Variants in FOXN3 observed in about 807,000 individuals in gnomAD.
FOXN3 encodes the protein forkhead box N3, also known as forkhead box protein N3.
FOXN3 carries 7 observed loss-of-function variants against 38.4 expected under a neutral mutation model. The ratio of observed to expected loss-of-function variants is 0.18; its 90% confidence interval spans 0.10 to 0.34. The LOEUF is 0.34. FOXN3 is among the 10% of genes least tolerant of loss of function. FOXN3 has a pLI of 1.00. For missense variants in FOXN3, 456 were observed against 613.4 expected (o/e 0.74, Z 2.71); for synonymous variants, 230 against 242.2 (o/e 0.95, Z 0.47).
In FOXN3 at chr14:89,461,413, G is replaced by A. The variant is rs192189896; in HGVS notation, c.-14-48923C>T. Among the ~76,000 whole-genome samples the A allele has an allele frequency of 9.6e-4, 146 of 151,744 alleles. 2 individuals carry two copies. Among genetic ancestry groups the A allele is most frequent in the African/African-American group, 3.4e-3 (139 of 41,318 alleles). On this transcript the variant is annotated intron_variant, in intron 1 of 6. Transcript: ENST00000345097. ...GAATGTATGCACCACCAGAATATAC[G>A]CACCAGGAGAAGAGGGAACCCTGCA... is the stretch of plus-strand genomic sequence containing the variant.
intron 4 of FOXN3, among the ~76,000 whole-genome samples, chr14:89,204,624 C>G (rs1056794334): frequency 6.6e-6 from 1 of 152,148 alleles, no homozygotes; most frequent in Admixed American, 6.5e-5. Flanking sequence ...TTGCATTTTC[C>G]TTTATCTTAC....
chr14:89,419,044 G>A, upstream of FOXN3: 1 of 440,138 alleles, frequency 2.3e-6, no homozygotes, highest in South Asian at 1.6e-5. Flanking sequence ...CTTTCTCAGA[G>A]TTCAAAAAGA....
intron 2 of FOXN3, among the ~76,000 whole-genome samples, chr14:89,389,970 A>G (rs1029174078): frequency 4.6e-5 from 7 of 152,174 alleles, no homozygotes; most frequent in Admixed American, 1.3e-4. Flanking sequence ...CTGCTATCCC[A>G]GCACTTTGGG....
intron 1 of FOXN3, among the ~76,000 whole-genome samples, chr14:89,613,504 G>A (rs1896436454): frequency 6.6e-6 from 1 of 152,146 alleles, no homozygotes; most frequent in African/African-American, 2.4e-5. Context: ...CATGAAAAGC[G>A]TCAGTCAACA....
intron 3 of FOXN3, among the ~76,000 whole-genome samples, chr14:89,329,446 C>T (rs1285969673): frequency 6.6e-6 from 1 of 152,162 alleles, no homozygotes; most frequent in African/African-American, 2.4e-5. Context: ...TATCTGCAGA[C>T]GTTTTCCATC....
In FOXN3 at chr14:89,314,656, T is replaced by C. The variant is rs572143380; in HGVS notation, c.681-33642A>G. On this transcript the variant is annotated intron_variant, in intron 3 of 5. Coordinates refer to ENST00000557258, the MANE Select transcript of FOXN3 (RefSeq NM_005197.4). ...AACACACAAAGTCTTAGGGACACCA[T>C]GGTGGCCAAGATGAGCTCAGTTTGT... Among the ~76,000 whole-genome samples, 46 of 152,346 alleles carry C rather than the reference T, an allele frequency of 3.0e-4. 1 individual carries two copies. Among genetic ancestry groups the C allele is most frequent in the African/African-American group, 9.9e-4 (41 of 41,582 alleles).
At chr14:89,415,892 GT>G (rs1328755102) in intron 1 of FOXN3, among the ~76,000 whole-genome samples, 2 of 108,060 alleles carry the variant, frequency 1.9e-5, no homozygotes, top group African/African-American at 8.5e-5. Flanking sequence ...ACCCTCTTTT[GT>G]TTTTTTTATG....
At chr14:89,295,965 ATCT>A (rs1339649305) in intron 3 of FOXN3, among the ~76,000 whole-genome samples, 1 of 152,100 alleles carries the variant, frequency 6.6e-6, no homozygotes, top group Non-Finnish European at 1.5e-5. Context: ...ATAGTAACAC[ATCT>A]TCTTCACTAT....
intron 2 of FOXN3, among the ~76,000 whole-genome samples, chr14:89,404,618 G>A (rs994021096): frequency 1.3e-5 from 2 of 151,894 alleles, no homozygotes; most frequent in East Asian, 3.9e-4. Context: ...TGTGACAAGG[G>A]AGTATTTTTA....
rs897695066 is a variant in FOXN3 at position 89,399,878 on chromosome 14, GCTTA to G, written c.543+12052_543+12055del. On this transcript the variant is annotated intron_variant, in intron 2 of 5. Coordinates refer to ENST00000557258, the MANE Select transcript of FOXN3 (RefSeq NM_005197.4). ...CAGTAACTCCGTTGCTAAGGCAACT[GCTTA>G]CTTTCCATATCAACTGCAAACTCGT... 55 of 152,346 alleles carry G rather than the reference GCTTA, an allele frequency of 3.6e-4. 1 individual carries two copies. The highest frequency in any genetic ancestry group is 1.3e-3 in the African/African-American group (54 of 41,564). 9.4% of individuals were successfully genotyped at this position (152,346 alleles called of 1,614,324 possible).
intron 2 of FOXN3, among the ~76,000 whole-genome samples, chr14:89,360,748 C>CCACCACCACCACCACCAG (rs1889482744): frequency 9.4e-6 from 1 of 105,946 alleles, no homozygotes; most frequent in Non-Finnish European, 1.8e-5. Context: ...AGCACCACCT[C>CCACCACCACCACCACCAG]CACCACCACC....
chr14:89,251,736 C>A (rs897038769), intron 4 of FOXN3, among the ~76,000 whole-genome samples: 1 of 152,172 alleles, frequency 6.6e-6, no homozygotes. Context: ...TTTCTTTGTA[C>A]AATAATTCAA....
chr14:89,266,281 G>A (rs1278923776), intron 4 of FOXN3, among the ~76,000 whole-genome samples: 5 of 152,188 alleles, frequency 3.3e-5, no homozygotes, highest in Admixed American at 6.5e-5. Flanking sequence ...GCAGGTGACC[G>A]ACTTCTCACT....
intron 3 of FOXN3, among the ~76,000 whole-genome samples, chr14:89,335,652 C>T (rs904775979): frequency 6.6e-6 from 1 of 152,150 alleles, no homozygotes; most frequent in African/African-American, 2.4e-5. Context: ...TTTATGACTT[C>T]AATATCAAAT....
chr14:89,389,410 C>T (rs1311513226), intron 2 of FOXN3, among the ~76,000 whole-genome samples: 1 of 152,178 alleles, frequency 6.6e-6, no homozygotes, highest in Non-Finnish European at 1.5e-5. Context: ...TTCATTCTAT[C>T]CTTTCCCTTC....
chr14:89,296,618 T>G (rs1887047779), intron 3 of FOXN3, among the ~76,000 whole-genome samples: 1 of 152,214 alleles, frequency 6.6e-6, no homozygotes. Flanking sequence ...CCAGAGGACA[T>G]CTGCCCAGGG....
At chr14:89,375,278 T>C (rs1890444923) in intron 2 of FOXN3, among the ~76,000 whole-genome samples, 5 of 152,230 alleles carry the variant, frequency 3.3e-5, no homozygotes, top group Admixed American at 3.3e-4. Flanking sequence ...TATGTTGTTA[T>C]TATATGTAAA....
chr14:89,607,700 G>A (rs1896301586), intron 1 of FOXN3, among the ~76,000 whole-genome samples: 1 of 152,062 alleles, frequency 6.6e-6, no homozygotes, highest in African/African-American at 2.4e-5. Context: ...ATCACTTATT[G>A]GAACCCAACC....
Position 89,363,976 on chromosome 14 carries a change from ATATATATATATAAT to A in FOXN3, c.544-13182_544-13169del, listed in dbSNP as rs1407506745. 3.2e-3 allele frequency among the ~76,000 whole-genome samples: 261 copies of A among 82,126 alleles called. 8 individuals carry two copies. The highest frequency in any genetic ancestry group is 0.013 in the African/African-American group (249 of 18,644). 53.9% of individuals were successfully genotyped at this position (82,126 alleles called of 152,430 possible). ...TATATATATATATATATATATATAT[ATATATATATATAAT>A]ATATATATATATTCTTCCATATCAA... On this transcript the variant is annotated intron_variant, in intron 2 of 5. Coordinates refer to ENST00000557258, the MANE Select transcript of FOXN3 (RefSeq NM_005197.4).
Sources: allele counts gnomAD v4.1 joint callset (sites outside exome capture counted in the v4.1 genomes callset), GRCh38; gene constraint gnomAD v4.1.1; transcripts MANE v1.5; gene names NCBI Gene and HGNC (gene_info 2026-07-23, HGNC 2026-07-21).